FSTL5: variants seen among roughly 807,000 people sequenced by gnomAD.
The protein encoded by FSTL5 is follistatin like 5.
A neutral mutation model predicts 89.1 loss-of-function variants in FSTL5; 62 were observed. The observed-to-expected ratio is 0.70, with a 90% CI of 0.57 to 0.86. The LOEUF is 0.86. FSTL5 is among the 40% of genes least tolerant of loss of function. FSTL5 has a pLI of 0.00. For synonymous variants in FSTL5, 383 were observed against 346.2 expected (o/e 1.11, Z -1.18); for missense variants, 1,057 against 1,001.6 (o/e 1.06, Z -0.75).
chr4:161,849,295 C>G (rs1731476594), intron 4 of FSTL5, among the ~76,000 whole-genome samples: 1 of 152,010 alleles, frequency 6.6e-6, no homozygotes, highest in South Asian at 2.1e-4. Context: ...CCTTGCACAT[C>G]CTGTGGTATC....
chr4:161,874,977 T>C (rs1732396039), intron 4 of FSTL5, among the ~76,000 whole-genome samples: 1 of 152,196 alleles, frequency 6.6e-6, no homozygotes, highest in Non-Finnish European at 1.5e-5. Flanking sequence ...AGAGTTTCTA[T>C]GTAATTTAAA....
At chr4:161,827,889 T>C (rs1215211266) in intron 4 of FSTL5, among the ~76,000 whole-genome samples, 1 of 152,174 alleles carries the variant, frequency 6.6e-6, no homozygotes, top group African/African-American at 2.4e-5. Flanking sequence ...GGTATGGTTT[T>C]CAGATTTCGT....
chr4:161,893,264 A>G lies in FSTL5; in HGVS notation c.409+27140T>C, dbSNP rs566259382. ...TGGATGGCAAGGACCTTTATCAAAGAGAAGCTCAAATGGCTAAATAACAAA... is the reference window on the plus strand; with the variant it reads ...TGGATGGCAAGGACCTTTATCAAAGGGAAGCTCAAATGGCTAAATAACAAA... On this transcript the variant is annotated intron_variant, in intron 4 of 15. Transcript: ENST00000306100. Among the ~76,000 whole-genome samples the G allele has an allele frequency of 2.0e-5, 3 of 152,264 alleles. No individual in the cohort carries two copies. The East Asian group carries it at 5.8e-4, about 29-fold the overall frequency.
chr4:162,136,387 G>C (rs1407060909), intron 1 of FSTL5, among the ~76,000 whole-genome samples: 1 of 152,018 alleles, frequency 6.6e-6, no homozygotes, highest in Non-Finnish European at 1.5e-5. Context: ...AAATACTTTG[G>C]AGGTAAATGC....
intron 3 of FSTL5, among the ~76,000 whole-genome samples, chr4:161,992,902 G>A (rs1413150739): frequency 8.0e-5 from 1 of 12,516 alleles, no homozygotes; most frequent in African/African-American, 2.0e-4. Flanking sequence ...ATATATGTGT[G>A]TGTATATATA....
chr4:161,965,453 T>A (rs1735295649), intron 3 of FSTL5, among the ~76,000 whole-genome samples: 1 of 152,152 alleles, frequency 6.6e-6, no homozygotes, highest in Non-Finnish European at 1.5e-5. Flanking sequence ...CTCCTATCTT[T>A]TACTTTTGAT....
chr4:161,968,638 C>T (rs928649814), intron 3 of FSTL5, among the ~76,000 whole-genome samples: 1 of 151,990 alleles, frequency 6.6e-6, no homozygotes, highest in Non-Finnish European at 1.5e-5. Flanking sequence ...TCTAAAACAA[C>T]CATTCCTTTG....
At position 161,586,725 on chromosome 4, in the gene FSTL5, C is replaced by T. The variant is rs529864650; in HGVS notation, c.1015+730G>A. On this transcript the variant is annotated intron_variant, in intron 8 of 15. Transcript: ENST00000306100. Reference sequence around the variant, plus strand: ...AATATTTACCTGAGTCTACAGGGCTCCATGTGATCTGCCCCAAGGCTACCT... The same window carrying T: ...AATATTTACCTGAGTCTACAGGGCTTCATGTGATCTGCCCCAAGGCTACCT... Among the ~76,000 whole-genome samples the T allele has an allele frequency of 3.3e-5, 5 of 152,298 alleles. 1 individual carries two copies. Among genetic ancestry groups the T allele is most frequent in the African/African-American group, 9.6e-5 (4 of 41,564 alleles).
At chr4:161,721,071 G>A (rs887503875) in intron 6 of FSTL5, among the ~76,000 whole-genome samples, 1 of 151,906 alleles carries the variant, frequency 6.6e-6, no homozygotes, top group African/African-American at 2.4e-5. Context: ...GAGGTCAGGA[G>A]ATCGAGACCA....
chr4:161,436,248 A>C (rs779656973), intron 15 of FSTL5, among the ~76,000 whole-genome samples: 13 of 152,166 alleles, frequency 8.5e-5, no homozygotes. Flanking sequence ...TACTCATGGT[A>C]GCCTTTAAAT....
rs191319175 is a variant in FSTL5, at chr4:161,978,155, C to T, written c.160+55470G>A. Among the ~76,000 whole-genome samples the T allele has an allele frequency of 9.2e-3, 1,398 of 152,244 alleles. 11 individuals carry two copies. Among genetic ancestry groups the T allele is most frequent in the Non-Finnish European group, 0.013 (878 of 68,008 alleles). On this transcript the variant is annotated intron_variant, in intron 3 of 15. Transcript: ENST00000306100. The stretch of plus-strand genomic sequence containing the variant: ...CTTATAAGAGTTCCTATTATTTATA[C>T]ACAAATCATAATAATTTTCTAGACC...
At chr4:161,403,564 CTTTTA>C (rs1005998095) in intron 15 of FSTL5, among the ~76,000 whole-genome samples, 49 of 152,110 alleles carry the variant, frequency 3.2e-4, no homozygotes, top group African/African-American at 1.0e-3. Context: ...ACCTTTTGTT[CTTTTA>C]TAAGAAAAAT....
intron 10 of FSTL5, among the ~76,000 whole-genome samples, chr4:161,513,604 G>A (rs111743406): frequency 2.0e-5 from 3 of 152,156 alleles, no homozygotes; most frequent in Admixed American, 6.5e-5. Context: ...CCCATCAGTG[G>A]TAGACTGGGT....
At chr4:162,068,067 G>T (rs1267653335) in intron 2 of FSTL5, among the ~76,000 whole-genome samples, 1 of 151,980 alleles carries the variant, frequency 6.6e-6, no homozygotes, top group Non-Finnish European at 1.5e-5. Context: ...CAAACAAATG[G>T]AAAAACATTC....
chr4:161,958,991 T>C (rs964215070), intron 3 of FSTL5, among the ~76,000 whole-genome samples: 1 of 152,092 alleles, frequency 6.6e-6, no homozygotes, highest in South Asian at 2.1e-4. Context: ...ATTCTTCTTC[T>C]TATGTTATAG....
chr4:161,793,573 T>C lies in FSTL5; in HGVS notation c.410-17499A>G, dbSNP rs146560767. Among the ~76,000 whole-genome samples, 22 of 151,070 alleles carry C rather than the reference T, an allele frequency of 1.5e-4. No homozygotes were observed. In the East Asian group the frequency reaches 3.5e-3, roughly 24 times the overall value. ...ATTTTTTTCTTTTATTGAAATAACA[T>C]TTTGTCAAATAAGGTTGCTTTTGGG... On this transcript the variant is annotated intron_variant, in intron 4 of 15. Coordinates refer to ENST00000306100, the MANE Select transcript of FSTL5 (RefSeq NM_020116.5).
intron 4 of FSTL5, among the ~76,000 whole-genome samples, chr4:161,824,418 T>C (rs1403888595): frequency 6.6e-6 from 1 of 152,212 alleles, no homozygotes. Context: ...ACTATGGCCT[T>C]ATAATATAGT....
intron 7 of FSTL5, among the ~76,000 whole-genome samples, chr4:161,654,298 C>A (rs1242877692): frequency 6.6e-6 from 1 of 152,024 alleles, no homozygotes; most frequent in Non-Finnish European, 1.5e-5. Context: ...GGTTTTCAGA[C>A]CACAGCACCC....
At chr4:161,532,432 T>A (rs1038979162) in intron 10 of FSTL5, among the ~76,000 whole-genome samples, 1 of 152,220 alleles carries the variant, frequency 6.6e-6, no homozygotes, top group African/African-American at 2.4e-5. Flanking sequence ...GCAAAATTTA[T>A]ACTCTTCAGT....
Sources: allele counts gnomAD v4.1 joint callset (sites outside exome capture counted in the v4.1 genomes callset), GRCh38; gene constraint gnomAD v4.1.1; transcripts MANE v1.5; gene names NCBI Gene and HGNC (gene_info 2026-07-23, HGNC 2026-07-21).